The following ERN1 variants were observed in gnomAD, a reference collection of about 807,000 sequenced individuals.
ERN1 encodes the protein serine/threonine-protein kinase/endoribonuclease IRE1.
ERN1 carries 39 observed loss-of-function variants against 113.1 expected under a neutral mutation model. The ratio of observed to expected loss-of-function variants is 0.34; its 90% confidence interval spans 0.27 to 0.45. The LOEUF (loss-of-function observed/expected upper bound fraction) is 0.45, where lower values mean the gene tolerates loss of function less well. ERN1 is among the 20% of genes least tolerant of loss of function. The pLI is 1.00. For synonymous variants in ERN1, 507 were observed against 515.9 expected (o/e 0.98, Z 0.23); for missense variants, 976 against 1,274.8 (o/e 0.77, Z 3.57).
chr17:64,103,526 C>T (rs1257837659), intron 1 of ERN1, among the ~76,000 whole-genome samples: 10 of 147,392 alleles, frequency 6.8e-5, no homozygotes, highest in Non-Finnish European at 1.3e-4. Context: ...CAATGTTACA[C>T]AAAATCCAGC....
chr17:64,060,511 T>G lies in ERN1; in HGVS notation c.1164A>C (p.Glu388Asp), dbSNP rs1913018878. 6.2e-7 allele frequency: 1 copy of G among 1,613,902 alleles called. No individual in the cohort carries two copies. The highest frequency in any genetic ancestry group is 8.5e-7 in the Non-Finnish European group (1 of 1,179,858). The change falls in exon 11 of 22, where the codon GAA (glutamate) becomes GAC (aspartate). Residue 388 changes from glutamate (E) to aspartate (D), a missense_variant. This residue lies in a region of ERN1 where 459 missense variants were observed against 581.2 expected (regional missense o/e 0.79). Coordinates refer to ENST00000433197, the MANE Select transcript of ERN1 (RefSeq NM_001433.5). Reference sequence around the variant, plus strand: ...TCTCTGAATCAGCAGGAATCACATTTTCCCGATGTTTGGGTAGATTGTTGG... The same window carrying G: ...TCTCTGAATCAGCAGGAATCACATTGTCCCGATGTTTGGGTAGATTGTTGG... The part of the protein sequence containing the change: ...RFPNNLPKHR[E>D]NVIPADSEKK...
rs1276388321 is a variant in ERN1 at position 64,044,999 on chromosome 17, TG to T, written c.2654-73del. On this transcript the variant is annotated intron_variant, in intron 20 of 21. Coordinates refer to ENST00000433197, the MANE Select transcript of ERN1 (RefSeq NM_001433.5). This position sits in a 1 kb window ranked among gnomAD's most constrained non-coding sequence, Gnocchi z 4.1. Reference sequence around the variant, plus strand: ...ATACATTTTAAAAGAAAACAATTCATGGGGTCCTGGGATTAGGGAGTTGGAC... The same window carrying T: ...ATACATTTTAAAAGAAAACAATTCATGGGTCCTGGGATTAGGGAGTTGGAC... 19 of 1,112,694 alleles carry T rather than the reference TG, an allele frequency of 1.7e-5. No individual in the cohort carries two copies. Among genetic ancestry groups the T allele is most frequent in the Non-Finnish European group, 2.4e-5 (18 of 751,482 alleles). 68.9% of individuals were successfully genotyped at this position (1,112,694 alleles called of 1,614,324 possible). A position where few individuals can be genotyped will look rare whatever the true frequency, so the allele number is the denominator to read the frequency against.
In ERN1 at chr17:64,068,261, G is replaced by A. The variant is rs1365427728; in HGVS notation, c.509C>T (p.Thr170Ile). 5.6e-6 allele frequency: 9 copies of A among 1,612,930 alleles called. No individual in the cohort carries two copies. Among genetic ancestry groups the A allele is most frequent in the Middle Eastern group, 1.7e-4 (1 of 6,004 alleles). Residue 170 changes from threonine to isoleucine, a missense_variant, in exon 7 of 22, where the codon ACC becomes ATC. Around this residue, in one of 5 missense-constraint regions of ERN1, gnomAD observed 459 missense variants for 581.2 expected, o/e 0.79. Coordinates refer to ENST00000433197, the MANE Select transcript of ERN1 (RefSeq NM_001433.5). ...EYTITMYDTK[T>I]RELRWNATYF... The stretch of plus-strand genomic sequence containing the variant: ...GGTGGCATTCCACCGGAGCTCTCGG[G>A]TTTTGGTGTCGTACATGGTGATGGT...
rs538707137 is a variant in ERN1 at position 64,057,408 on chromosome 17, G to A, written c.1398+394C>T. The stretch of plus-strand genomic sequence containing the variant: ...TCTTGCTCTGTCGCCTTGCTCTGTC[G>A]CCCAGGCTGGAGTGCAGTGGTGTGA... On this transcript the variant is annotated intron_variant, in intron 12 of 21. Coordinates refer to ENST00000433197, the MANE Select transcript of ERN1 (RefSeq NM_001433.5). Among the ~76,000 whole-genome samples the A allele has an allele frequency of 6.6e-3, 864 of 130,038 alleles. 8 individuals are homozygous for A. Among genetic ancestry groups the A allele is most frequent in the African/African-American group, 0.023 (800 of 35,106 alleles). 85.3% of individuals were successfully genotyped at this position (130,038 alleles called of 152,430 possible).
rs951709972 is a variant in ERN1, at chr17:64,102,776, T to C, written c.55-4535A>G. The C allele has an allele frequency of 7.1e-6, 7 of 985,244 alleles. No homozygotes were observed. In the Admixed American group the frequency reaches 2.5e-4, roughly 35 times the overall value. 61.0% of individuals were successfully genotyped at this position (985,244 alleles called of 1,614,324 possible). Reference sequence around the variant, plus strand: ...ACTTTTCTCTACAAGCAACATACCCTACGGCACACACACTGGTTTCCAGAG... The same window carrying C: ...ACTTTTCTCTACAAGCAACATACCCCACGGCACACACACTGGTTTCCAGAG... On this transcript the variant is annotated intron_variant, in intron 1 of 21. Transcript: ENST00000433197.
chr17:64,075,052 C>T, intron 5 of ERN1, 123 bp downstream of exon 5: 1 of 819,020 alleles, frequency 1.2e-6, no homozygotes, highest in East Asian at 2.7e-5. Flanking sequence ...GCACCTGAAG[C>T]ACAACCCAGG....
intron 5 of ERN1, among the ~76,000 whole-genome samples, chr17:64,073,554 C>T (rs1035059843): frequency 4.7e-5 from 7 of 149,042 alleles, no homozygotes; most frequent in Non-Finnish European, 7.5e-5. Context: ...TGCAGTGGTG[C>T]AATCTCAGCT....
chr17:64,088,809 G>T (rs1277320750), intron 2 of ERN1, among the ~76,000 whole-genome samples: 2 of 152,116 alleles, frequency 1.3e-5, no homozygotes, highest in Admixed American at 6.5e-5. Context: ...AAAGGCAGCC[G>T]GCCCCAAGCA....
chr17:64,053,244 G>C, intron 16 of ERN1, 28 bp downstream of exon 16: 1 of 1,553,618 alleles, frequency 6.4e-7, no homozygotes, highest in Non-Finnish European at 8.7e-7. Context: ...CACCCGGGCC[G>C]CTGGCCTGGT....
chr17:64,085,486 G>C (rs891627130), intron 2 of ERN1, among the ~76,000 whole-genome samples: 31 of 152,228 alleles, frequency 2.0e-4, no homozygotes, highest in Admixed American at 1.4e-3. Context: ...CCATTCATGA[G>C]GGATCCACCC....
chr17:64,091,043 T>C (rs1471375225), intron 2 of ERN1, among the ~76,000 whole-genome samples: 1 of 152,256 alleles, frequency 6.6e-6, no homozygotes, highest in Non-Finnish European at 1.5e-5. Flanking sequence ...ACCTTTCTTA[T>C]ACTTAAGCAG....
At position 64,055,940 on chromosome 17, in the gene ERN1, A is replaced by C. The variant is rs1167062396; in HGVS notation, c.1407T>G (p.His469Gln). Residue 469 changes from histidine to glutamine, a missense_variant, in exon 13 of 22, where the codon CAT becomes CAG. His to Gln is a conservative substitution (Grantham distance 24, BLOSUM62 0). Transcript: ENST00000433197. ...GCTGGTGCTGGAGCTGCTGCTGCTG[A>C]TGCATGCTCTGGGAAGAGAAACCCA... ...AFIITYPLSM[H>Q]QQQQLQHQQF... 6.5e-7 allele frequency: 1 copy of C among 1,543,224 alleles called. No individual in the cohort carries two copies. Among genetic ancestry groups the C allele is most frequent in the Non-Finnish European group, 8.7e-7 (1 of 1,143,332 alleles).
chr17:64,104,787 C>T (rs576735208), intron 1 of ERN1, among the ~76,000 whole-genome samples: 1 of 152,108 alleles, frequency 6.6e-6, no homozygotes, highest in East Asian at 1.9e-4. Flanking sequence ...CCACTGCACT[C>T]CAGCCTGGGT....
At chr17:64,046,671 T>C (rs1352244109) in intron 19 of ERN1, among the ~76,000 whole-genome samples, 1 of 152,192 alleles carries the variant, frequency 6.6e-6, no homozygotes, top group Non-Finnish European at 1.5e-5. Context: ...AGTCAAGCAC[T>C]CCTGTCCTCG....
Position 64,054,256 on chromosome 17 carries a change from C to T in ERN1, c.1947G>A (p.Leu649=), listed in dbSNP as rs756608643. ...YIAIELCAAT[L]QEYVEQKDFA... is the part of the protein sequence containing the mutation. ...ATAAAAAAAATAAATCCACCTCTTG[C>T]AGGGTGGCTGCACACAGCTCGATGG... The change falls in exon 15 of 22, where the codon CTG becomes CTA. Residue 649 remains leucine, a synonymous_variant. Coordinates refer to ENST00000433197, the MANE Select transcript of ERN1 (RefSeq NM_001433.5). The surrounding 1 kb of genome is among the most constrained non-coding windows in gnomAD (Gnocchi z 4.9). The T allele has an allele frequency of 8.0e-5, 128 of 1,609,208 alleles. No homozygotes were observed. Among genetic ancestry groups the T allele is most frequent in the Non-Finnish European group, 1.0e-4 (122 of 1,176,634 alleles).
chr17:64,106,588 A>T (rs1914532911), intron 1 of ERN1, among the ~76,000 whole-genome samples: 1 of 152,178 alleles, frequency 6.6e-6, no homozygotes, highest in Non-Finnish European at 1.5e-5. Flanking sequence ...AGTAATGGCA[A>T]ATAGACTGGA....
intron 11 of ERN1, 73 bp downstream of exon 11, chr17:64,060,396 G>T: frequency 1.1e-6 from 1 of 924,024 alleles, no homozygotes; most frequent in South Asian, 1.3e-5. Context: ...TCAGAAGGCA[G>T]AGTCAAAGTC....
At chr17:64,055,594 A>C in intron 13 of ERN1, 81 bp downstream of exon 13, 2 of 1,306,464 alleles carry the variant, frequency 1.5e-6, no homozygotes, top group Non-Finnish European at 2.1e-6. Flanking sequence ...GGTAGTTTAC[A>C]ATCTTATGGA....
chr17:64,057,860 A>C lies in ERN1; in HGVS notation c.1340T>G (p.Ile447Ser). The C allele has an allele frequency of 1.9e-6, 3 of 1,613,956 alleles. No individual in the cohort carries two copies. The South Asian group carries it at 3.3e-5, about 18-fold the overall frequency. The stretch of plus-strand genomic sequence containing the variant: ...AATCAGCAGGAAGGTGCTCAGGATG[A>C]TGGTAGCCATGTCCTTAAGCATGGA... ...VDSMLKDMAT[I>S]ILSTFLLIGW... The change falls in exon 12 of 22, where the codon ATC becomes AGC. Residue 447 changes from isoleucine (I) to serine (S), a missense_variant. Transcript: ENST00000433197.
Sources: allele counts gnomAD v4.1 joint callset (sites outside exome capture counted in the v4.1 genomes callset), GRCh38; gene constraint gnomAD v4.1.1; regional missense constraint gnomAD v4.1.1; non-coding constraint Gnocchi (gnomAD v3.1); transcripts MANE v1.5; gene names NCBI Gene and HGNC (gene_info 2026-07-23, HGNC 2026-07-21).